The following CLEC2A variants were observed in gnomAD, a reference collection of about 807,000 sequenced individuals.
The protein encoded by CLEC2A is C-type lectin domain family 2 member A, also known as keratinocyte-associated C-type lectin.
Under a neutral mutation model 18.6 loss-of-function variants are expected in CLEC2A, and 19 were observed. That is an observed-to-expected ratio of 1.02 (90% CI 0.71 to 1.50). The LOEUF is 1.50. Among genes scored for constraint, CLEC2A ranks in the 40% most tolerant of loss-of-function variants. CLEC2A has a pLI of 0.00. For synonymous variants in CLEC2A, 74 were observed against 64.0 expected (o/e 1.16, Z -0.75); for missense variants, 190 against 207.9 (o/e 0.91, Z 0.53).
intron 1 of CLEC2A, among the ~76,000 whole-genome samples, chr12:9,929,839 TTACTC>T (rs1353849347): frequency 6.6e-6 from 1 of 152,156 alleles, no homozygotes; most frequent in African/African-American, 2.4e-5. Flanking sequence ...GATCAGTAGA[TTACTC>T]TATTTTAGTT....
chr12:9,922,358 C>T lies in CLEC2A; in HGVS notation c.140-126G>A, dbSNP rs572582611. The T allele has an allele frequency of 5.4e-4, 340 of 635,226 alleles. 2 individuals are homozygous for T. The African/African-American group carries it at 5.7e-3, about 11-fold the overall frequency. 39.3% of individuals were successfully genotyped at this position (635,226 alleles called of 1,614,324 possible). ...GCCCGTAAGTTAGCTTCCCCCCTCCCCAGAATGAGGATGAATTAACTTCCC... is the reference window on the plus strand; with the variant it reads ...GCCCGTAAGTTAGCTTCCCCCCTCCTCAGAATGAGGATGAATTAACTTCCC... On this transcript the variant is annotated intron_variant, in intron 2 of 4. Coordinates refer to ENST00000455827, the MANE Select transcript of CLEC2A (RefSeq NM_001130711.2).
chr12:9,930,309 G>A (rs1455538786), intron 1 of CLEC2A, among the ~76,000 whole-genome samples: 1 of 152,164 alleles, frequency 6.6e-6, no homozygotes, highest in African/African-American at 2.4e-5. Flanking sequence ...CTGAGGTAGA[G>A]GGGGTTAGAG....
chr12:9,929,644 T>C (rs1466981193), intron 1 of CLEC2A, among the ~76,000 whole-genome samples: 1 of 152,146 alleles, frequency 6.6e-6, no homozygotes, highest in African/African-American at 2.4e-5. Context: ...TGCTTTGTTG[T>C]ATATAGTAAA....
chr12:9,883,992 C>T, the CLEC2A span, among the ~76,000 whole-genome samples: 4 of 152,084 alleles, frequency 2.6e-5, no homozygotes, highest in Non-Finnish European at 2.9e-5. Context: ...CAGAGTATCT[C>T]AAATTACTTT....
intron 4 of CLEC2A, among the ~76,000 whole-genome samples, chr12:9,907,297 A>G (rs533136944): frequency 6.6e-6 from 1 of 152,160 alleles, no homozygotes; most frequent in African/African-American, 2.4e-5. Context: ...TAATTCTTCA[A>G]TTTGATGAAT....
chr12:9,894,686 C>T (rs1206757809), downstream of CLEC2A, among the ~76,000 whole-genome samples: 1 of 152,112 alleles, frequency 6.6e-6, no homozygotes, highest in Non-Finnish European at 1.5e-5. Context: ...GCCATGGAGT[C>T]ATAGTTCATT....
At chr12:9,928,026 A>T (rs1225932500) in intron 1 of CLEC2A, among the ~76,000 whole-genome samples, 1 of 152,236 alleles carries the variant, frequency 6.6e-6, no homozygotes, top group Non-Finnish European at 1.5e-5. Flanking sequence ...TTTAAGACGT[A>T]TTATTGACCT....
intron 2 of CLEC2A, among the ~76,000 whole-genome samples, chr12:9,923,373 A>G (rs956778042): frequency 6.6e-6 from 1 of 152,216 alleles, no homozygotes; most frequent in African/African-American, 2.4e-5. Flanking sequence ...CAAAACCACA[A>G]TGAGATATCA....
At chr12:9,931,633 T>G (rs761763468) in intron 1 of CLEC2A, among the ~76,000 whole-genome samples, 16 of 152,202 alleles carry the variant, frequency 1.1e-4, no homozygotes, top group African/African-American at 3.1e-4. Flanking sequence ...TAAACTCTGA[T>G]AGTGGTTTCA....
At chr12:9,886,121 A>C in the CLEC2A span, among the ~76,000 whole-genome samples, 1 of 152,178 alleles carries the variant, frequency 6.6e-6, no homozygotes, top group Non-Finnish European at 1.5e-5. Flanking sequence ...AGAAGAAATC[A>C]ATGAAATTTG....
chr12:9,911,882 C>T (rs943009061), downstream of CLEC2A, among the ~76,000 whole-genome samples: 5 of 152,052 alleles, frequency 3.3e-5, no homozygotes, highest in African/African-American at 2.4e-5. Context: ...CTAAACAAAG[C>T]CTTGTCATGC....
At chr12:9,927,082 A>T (rs2137054734) in intron 1 of CLEC2A, among the ~76,000 whole-genome samples, 1 of 152,044 alleles carries the variant, frequency 6.6e-6, no homozygotes, top group South Asian at 2.1e-4. Context: ...AGCAATGGGG[A>T]GATATTTTGA....
the CLEC2A span, among the ~76,000 whole-genome samples, chr12:9,883,403 AC>A: frequency 6.6e-6 from 1 of 152,190 alleles, no homozygotes; most frequent in Non-Finnish European, 1.5e-5. Context: ...AGGCCAGCAT[AC>A]TGCACTTCAT....
the CLEC2A span, chr12:9,893,354 C>G: frequency 4.9e-6 from 4 of 818,204 alleles, no homozygotes; most frequent in Admixed American, 2.8e-5. Flanking sequence ...AATGCCGGCA[C>G]AGAGACTTAC....
the CLEC2A span, chr12:9,893,507 A>C: frequency 8.6e-6 from 13 of 1,513,484 alleles, no homozygotes; most frequent in Non-Finnish European, 1.2e-5. Context: ...GAACCTATGG[A>C]TGTGGATAGA....
In CLEC2A at chr12:9,913,452, G is replaced by C. The variant is rs1215058592; in HGVS notation, c.*114C>G. 7.0e-7 allele frequency: 1 copy of C among 1,426,770 alleles called. No homozygotes were observed. Among genetic ancestry groups the C allele is most frequent in the African/African-American group, 1.5e-5 (1 of 68,856 alleles). The allele number at this position is 1,426,770 out of a possible 1,614,324, so 88.4% of individuals were successfully genotyped here. ...TTTCCATCTATAAACTAGAAAATGG[G>C]CCCTCACCAGAGGTTCCGTATTCTG... On this transcript the variant is annotated 3_prime_UTR_variant, in exon 5 of 5. Transcript: ENST00000455827.
At chr12:9,897,738 G>A (rs1329889621), downstream of CLEC2A, among the ~76,000 whole-genome samples, 1 of 151,912 alleles carries the variant, frequency 6.6e-6, no homozygotes, top group Non-Finnish European at 1.5e-5. Context: ...GTCCATTGTG[G>A]GCATGACCAG....
At chr12:9,926,020 A>G (rs577653466) in intron 2 of CLEC2A, among the ~76,000 whole-genome samples, 4 of 152,236 alleles carry the variant, frequency 2.6e-5, no homozygotes, top group African/African-American at 9.6e-5. Context: ...ATTTAAGATT[A>G]TTTTTCTTAA....
chr12:9,910,569 TCTC>T (rs1171883707), downstream of CLEC2A, among the ~76,000 whole-genome samples: 1 of 152,210 alleles, frequency 6.6e-6, no homozygotes, highest in Non-Finnish European at 1.5e-5. Flanking sequence ...CTTGCAATCT[TCTC>T]CTTTTGTTTT....
Sources: allele counts gnomAD v4.1 joint callset (sites outside exome capture counted in the v4.1 genomes callset), GRCh38; gene constraint gnomAD v4.1.1; transcripts MANE v1.5; gene names NCBI Gene and HGNC (gene_info 2026-07-23, HGNC 2026-07-21).